Variants in HSPA14 observed in about 807,000 individuals in gnomAD.
The protein encoded by HSPA14 is heat shock protein family A (Hsp70) member 14.
A neutral mutation model predicts 65.5 loss-of-function variants in HSPA14; 37 were observed. The ratio of observed to expected loss-of-function variants is 0.56; its 90% CI spans 0.43 to 0.74. The LOEUF is 0.74. Among genes scored for constraint, HSPA14 ranks in the 30% least tolerant of loss-of-function variants. The pLI is 0.00. For synonymous variants in HSPA14, 203 were observed against 214.2 expected, an observed-to-expected ratio of 0.95 and a Z score of 0.46; for missense variants, 564 against 607.6, an observed-to-expected ratio of 0.93 and a Z score of 0.75.
chr10:14,869,732 G>T (rs1476106972), intron 12 of HSPA14, among the ~76,000 whole-genome samples: 1 of 152,214 alleles, frequency 6.6e-6, no homozygotes, highest in East Asian at 1.9e-4. Context: ...ATTGGTTTGT[G>T]TGTGTCTAAG....
At chr10:14,843,311 G>A in intron 3 of HSPA14, 1 of 1,541,624 alleles carries the variant, frequency 6.5e-7, no homozygotes. Context: ...TCTGCTGCTG[G>A]CTCCAAGCAT....
At chr10:14,843,761 C>T (rs761481535) in intron 3 of HSPA14, 2 of 1,536,442 alleles carry the variant, frequency 1.3e-6, no homozygotes, top group South Asian at 1.2e-5. Flanking sequence ...CAGCAAGATA[C>T]TGCCAATGAG....
At chr10:14,863,494 C>T (rs1832774534) in intron 10 of HSPA14, among the ~76,000 whole-genome samples, 1 of 152,216 alleles carries the variant, frequency 6.6e-6, no homozygotes, top group African/African-American at 2.4e-5. Flanking sequence ...TATCAGGCAT[C>T]ATCTGAACAA....
chr10:14,868,174 G>A (rs1832823214), intron 12 of HSPA14, among the ~76,000 whole-genome samples: 1 of 152,200 alleles, frequency 6.6e-6, no homozygotes, highest in African/African-American at 2.4e-5. Flanking sequence ...TGGTAGTTAG[G>A]TAAGTGGAAT....
intron 8 of HSPA14, among the ~76,000 whole-genome samples, chr10:14,853,101 G>A (rs1341513218): frequency 5.3e-5 from 8 of 151,658 alleles, no homozygotes; most frequent in Admixed American, 3.9e-4. Flanking sequence ...AAAAAAAAGT[G>A]TAATTGAAAT....
intron 5 of HSPA14, chr10:14,849,335 C>T (rs775567131): frequency 4.3e-6 from 2 of 467,740 alleles, no homozygotes; most frequent in Admixed American, 2.4e-5. Context: ...AGGCTTCCTT[C>T]AGCCCTGTAA....
Position 14,842,303 on chromosome 10 carries a change from A to G in HSPA14, c.221+2146A>G. ...ACCCACAATGGCCAGTGCCAATAGC[A>G]GTGCGGGCATCCGGTGGTCCAGACA... On this transcript the variant is annotated intron_variant, in intron 3 of 13. Coordinates refer to ENST00000378372, the MANE Select transcript of HSPA14 (RefSeq NM_016299.4). This position sits in a 1 kb window ranked among gnomAD's most constrained non-coding sequence, Gnocchi z 5.2. The G allele has an allele frequency of 6.5e-7, 1 of 1,535,906 alleles. No individual in the cohort carries two copies. Among genetic ancestry groups the G allele is most frequent in the African/African-American group, 1.4e-5 (1 of 73,162 alleles).
intron 3 of HSPA14, chr10:14,846,844 G>T: frequency 1.0e-6 from 1 of 985,348 alleles, no homozygotes; most frequent in Non-Finnish European, 1.2e-6. Context: ...AGAGAAGATG[G>T]CATTGCTAAT....
intron 10 of HSPA14, among the ~76,000 whole-genome samples, chr10:14,865,703 A>G (rs1832801245): frequency 6.6e-6 from 1 of 152,188 alleles, no homozygotes; most frequent in African/African-American, 2.4e-5. Flanking sequence ...TGGTACCAGT[A>G]CCATGCTGTT....
At chr10:14,855,208 A>G (rs1834137357) in intron 9 of HSPA14, among the ~76,000 whole-genome samples, 1 of 152,218 alleles carries the variant, frequency 6.6e-6, no homozygotes, top group Non-Finnish European at 1.5e-5. Flanking sequence ...ATGCTTTAAT[A>G]TCTATAAGGT....
intron 3 of HSPA14, chr10:14,846,321 G>A (rs906600554): frequency 5.1e-6 from 5 of 985,384 alleles, no homozygotes; most frequent in African/African-American, 1.7e-5. Flanking sequence ...GTAGCAAAGT[G>A]CATAAGACAG....
chr10:14,844,860 A>G, intron 3 of HSPA14: 1 of 982,854 alleles, frequency 1.0e-6, no homozygotes, highest in Non-Finnish European at 1.2e-6. Context: ...TTTTTAGCTG[A>G]TTTCATTCTT....
chr10:14,857,221 G>C (rs917864656), intron 10 of HSPA14, among the ~76,000 whole-genome samples: 1 of 152,124 alleles, frequency 6.6e-6, no homozygotes, highest in Non-Finnish European at 1.5e-5. Flanking sequence ...TTCCTCCCCT[G>C]TAAGAGAATG....
chr10:14,867,975 T>C, intron 12 of HSPA14, 66 bp downstream of exon 12: 3 of 1,278,750 alleles, frequency 2.3e-6, no homozygotes, highest in Non-Finnish European at 3.3e-6. Context: ...TTCAGTTTAA[T>C]ATCTTAATAC....
intron 5 of HSPA14, chr10:14,849,372 G>A (rs1834090000): frequency 2.0e-6 from 1 of 488,896 alleles, no homozygotes; most frequent in East Asian, 6.3e-5. Context: ...GGGGTTGGAA[G>A]GCAGGCTTTA....
At chr10:14,859,707 A>AT (rs1474408407) in intron 10 of HSPA14, among the ~76,000 whole-genome samples, 1 of 152,202 alleles carries the variant, frequency 6.6e-6, no homozygotes, top group Non-Finnish European at 1.5e-5. Context: ...AACTTGGTGG[A>AT]TGTCCTCAAT....
intron 1 of HSPA14, 144 bp downstream of exon 1, chr10:14,838,603 G>C: frequency 1.3e-6 from 1 of 765,636 alleles, no homozygotes; most frequent in South Asian, 1.9e-5. Context: ...CCGGAGCGAA[G>C]GGCCGGGCAG....
rs773524564 is a variant in HSPA14 at position 14,848,794 on chromosome 10, T to C, written c.275T>C (p.Ile92Thr). 2.0e-6 allele frequency: 3 copies of C among 1,537,456 alleles called. No individual in the cohort carries two copies. In the African/African-American group the frequency reaches 4.1e-5, roughly 21 times the overall value. The change falls in exon 5 of 14, where the codon ATT (isoleucine) becomes ACT (threonine). Residue 92 changes from isoleucine to threonine, a missense_variant. Transcript: ENST00000378372. ...TAATTGTAATTTATTTTATAGGTCATTGAAAAAAATGGGAAATTACGATAT... is the reference window on the plus strand; with the variant it reads ...TAATTGTAATTTATTTTATAGGTCACTGAAAAAAATGGGAAATTACGATAT... Reference protein sequence around the residue: ...KYIAESKCLVIEKNGKLRYEI... With the variant: ...KYIAESKCLVTEKNGKLRYEI...
At position 14,842,136 on chromosome 10, in the gene HSPA14, A is replaced by G. The variant is rs1415351057; in HGVS notation, c.221+1979A>G. 6.5e-6 allele frequency: 10 copies of G among 1,533,776 alleles called. No homozygotes were observed. In the African/African-American group the frequency reaches 1.1e-4, roughly 17 times the overall value. ...CTCATTCCCCTGTGGCCTTCCAGCC[A>G]GAAATGCGGTCCTTGGACCTGGCTT... On this transcript the variant is annotated intron_variant, in intron 3 of 13. Transcript: ENST00000378372. This position sits in a 1 kb window ranked among gnomAD's most constrained non-coding sequence, Gnocchi z 5.2.
Sources: allele counts gnomAD v4.1 joint callset (sites outside exome capture counted in the v4.1 genomes callset), GRCh38; gene constraint gnomAD v4.1.1; non-coding constraint Gnocchi (gnomAD v3.1); transcripts MANE v1.5; gene names NCBI Gene and HGNC (gene_info 2026-07-23, HGNC 2026-07-21).